SPON1: variants seen among roughly 807,000 people sequenced by gnomAD.
SPON1 encodes spondin 1.
In SPON1, 52 loss-of-function variants were observed where a neutral mutation model predicts 111.7. The ratio of observed to expected loss-of-function variants is 0.47; its 90% confidence interval spans 0.37 to 0.59. The LOEUF is 0.59. SPON1 is among the 20% of genes least tolerant of loss of function. SPON1 has a pLI of 0.00. For synonymous variants in SPON1, 410 were observed against 395.8 expected, an observed-to-expected ratio of 1.04 and a Z score of -0.43; for missense variants, 957 against 1,068.5, an observed-to-expected ratio of 0.90 and a Z score of 1.46.
intron 2 of SPON1, among the ~76,000 whole-genome samples, chr11:14,009,480 T>A (rs1287897214): frequency 6.6e-6 from 1 of 152,248 alleles, no homozygotes; most frequent in African/African-American, 2.4e-5. Context: ...TCAGCTCATA[T>A]ATAGCAAGTT....
chr11:14,097,497 C>T (rs189852808), intron 5 of SPON1, among the ~76,000 whole-genome samples: 1 of 152,220 alleles, frequency 6.6e-6, no homozygotes, highest in East Asian at 1.9e-4. Context: ...CGTTTTCTAT[C>T]AGGTTATAAT....
chr11:13,989,309 C>A (rs1029353000), intron 2 of SPON1, among the ~76,000 whole-genome samples: 1 of 152,170 alleles, frequency 6.6e-6, no homozygotes, highest in African/African-American at 2.4e-5. Flanking sequence ...TTATCCATTT[C>A]TTCTAGATTT....
At chr11:14,227,898 C>T (rs1158523630) in intron 6 of SPON1, among the ~76,000 whole-genome samples, 2 of 152,140 alleles carry the variant, frequency 1.3e-5, no homozygotes, top group African/African-American at 4.8e-5. Flanking sequence ...CAAATACAAG[C>T]TCACAAACAC....
intron 2 of SPON1, among the ~76,000 whole-genome samples, chr11:14,018,798 A>G (rs1434077579): frequency 6.6e-6 from 1 of 152,212 alleles, no homozygotes; most frequent in African/African-American, 2.4e-5. Flanking sequence ...CAACGGTACA[A>G]CAAGAGCCAG....
chr11:14,009,551 T>A (rs557611410), intron 2 of SPON1, among the ~76,000 whole-genome samples: 2 of 152,376 alleles, frequency 1.3e-5, no homozygotes, highest in East Asian at 3.9e-4. Flanking sequence ...TCGTTGCACA[T>A]ATATCTGTCA....
At chr11:13,974,177 T>C (rs1322144448) in intron 1 of SPON1, among the ~76,000 whole-genome samples, 2 of 152,206 alleles carry the variant, frequency 1.3e-5, no homozygotes, top group African/African-American at 4.8e-5. Context: ...TTGTGCAGAA[T>C]AGAAAGGGGA....
At chr11:14,034,821 T>C (rs1848582730) in intron 2 of SPON1, among the ~76,000 whole-genome samples, 1 of 152,228 alleles carries the variant, frequency 6.6e-6, no homozygotes, top group Admixed American at 6.5e-5. Context: ...GCTAGGTACC[T>C]GGCAGATAAT....
At chr11:14,209,418 C>G (rs552975083) in intron 6 of SPON1, among the ~76,000 whole-genome samples, 1 of 152,154 alleles carries the variant, frequency 6.6e-6, no homozygotes, top group Non-Finnish European at 1.5e-5. Context: ...CCTAGCCCCC[C>G]ACACCCCGAC....
intron 6 of SPON1, among the ~76,000 whole-genome samples, chr11:14,213,276 T>C (rs570350419): frequency 3.9e-5 from 6 of 152,234 alleles, no homozygotes; most frequent in African/African-American, 1.4e-4. Context: ...AGAAAACACT[T>C]TGTGTAAGAA....
rs782666358 is a variant in SPON1, at chr11:14,041,525, T to C, written c.350T>C (p.Ile117Thr). 3 of 1,613,930 alleles carry C rather than the reference T, an allele frequency of 1.9e-6. No homozygotes were observed. The South Asian group carries it at 3.3e-5, about 18-fold the overall frequency. ...EEDHAGTFQIIDEEETQFMSN... is the reference protein window; with the variant it reads ...EEDHAGTFQITDEEETQFMSN... ...TTTCCCACTGGTTTTCCGTAGATCATAGACGAAGAAGAAACTCAGTTTATG... is the reference window on the plus strand; with the variant it reads ...TTTCCCACTGGTTTTCCGTAGATCACAGACGAAGAAGAAACTCAGTTTATG... The change falls in exon 3 of 16, where the codon ATA (isoleucine) becomes ACA (threonine). Residue 117 changes from isoleucine (I) to threonine (T), a missense_variant. Ile to Thr is a moderately conservative substitution (Grantham distance 89). Around this residue, in one of 5 missense-constraint regions of SPON1, gnomAD observed 262 missense variants for 253.9 expected, o/e 1.03. Transcript: ENST00000576479.
At position 14,160,431 on chromosome 11, in the gene SPON1, TTATATATATATTTATATATATATTTA is replaced by T. The variant is rs1564918847; in HGVS notation, c.825+24904_825+24929del. Among the ~76,000 whole-genome samples, 7 of 24,554 alleles carry T rather than the reference TTATATATATATTTATATATATATTTA, an allele frequency of 2.9e-4. 1 individual carries two copies. Among genetic ancestry groups the T allele is most frequent in the Non-Finnish European group, 4.4e-4 (7 of 15,942 alleles). 16.1% of individuals were successfully genotyped at this position (24,554 alleles called of 152,430 possible). ...TATATATATATTTATATATATATAT[TTATATATATATTTATATATATATTTA>T]TATATATATATTTATATATATATTT... On this transcript the variant is annotated intron_variant, in intron 6 of 15. Coordinates refer to ENST00000576479, the MANE Select transcript of SPON1 (RefSeq NM_006108.4).
At chr11:13,990,931 A>G (rs1554911094) in intron 2 of SPON1, among the ~76,000 whole-genome samples, 1 of 152,216 alleles carries the variant, frequency 6.6e-6, no homozygotes, top group Admixed American at 6.5e-5. Context: ...GGGTTTCTGC[A>G]GAGAGATCTG....
At chr11:14,220,378 T>C (rs1848668899) in intron 6 of SPON1, among the ~76,000 whole-genome samples, 1 of 152,210 alleles carries the variant, frequency 6.6e-6, no homozygotes, top group Non-Finnish European at 1.5e-5. Flanking sequence ...TTTTCTTCCC[T>C]ATCTCTGTCT....
rs538968176 is a variant in SPON1 at position 14,238,069 on chromosome 11, C to A, written c.826-5263C>A. Among the ~76,000 whole-genome samples the A allele has an allele frequency of 2.1e-3, 319 of 152,308 alleles. 1 individual carries two copies. Among genetic ancestry groups the A allele is most frequent in the Non-Finnish European group, 3.1e-3 (210 of 68,020 alleles). ...GATTAAAACGTATATATCCACCTTGCAAATGTGTTGTAAGGATTAAATCAG... is the reference window on the plus strand; with the variant it reads ...GATTAAAACGTATATATCCACCTTGAAAATGTGTTGTAAGGATTAAATCAG... On this transcript the variant is annotated intron_variant, in intron 6 of 15. Coordinates refer to ENST00000576479, the MANE Select transcript of SPON1 (RefSeq NM_006108.4).
chr11:14,121,444 G>A (rs77086839), intron 5 of SPON1, among the ~76,000 whole-genome samples: 19 of 152,258 alleles, frequency 1.2e-4, no homozygotes, highest in South Asian at 6.2e-4. Flanking sequence ...AAATAAGCTC[G>A]GGTTCAGATT....
At chr11:14,172,278 G>A (rs1295453990) in intron 6 of SPON1, among the ~76,000 whole-genome samples, 2 of 151,792 alleles carry the variant, frequency 1.3e-5, no homozygotes, top group East Asian at 3.9e-4. Context: ...ATCTTTGTTG[G>A]TTTAAAGTCT....
At chr11:14,105,571 C>T in intron 5 of SPON1, among the ~76,000 whole-genome samples, 1 of 152,206 alleles carries the variant, frequency 6.6e-6, no homozygotes, top group East Asian at 1.9e-4. Context: ...TTGATTCATA[C>T]TTCCCATCCC....
intron 5 of SPON1, among the ~76,000 whole-genome samples, chr11:14,108,848 T>C (rs1554925150): frequency 1.3e-5 from 2 of 152,120 alleles, no homozygotes; most frequent in African/African-American, 2.4e-5. Flanking sequence ...TTTTACTTGA[T>C]TTCTCTTCCC....
At chr11:14,187,868 C>T (rs760713884) in intron 6 of SPON1, among the ~76,000 whole-genome samples, 3 of 151,766 alleles carry the variant, frequency 2.0e-5, no homozygotes, top group South Asian at 2.1e-4. Context: ...ACAACCTCCA[C>T]CTTCTTGGGT....
Sources: gnomAD v4.1 joint callset for allele counts (sites outside exome capture counted in the v4.1 genomes callset) on GRCh38, gnomAD v4.1.1 for gene constraint, gnomAD v4.1.1 regional missense constraint, MANE v1.5 for transcripts, NCBI Gene and HGNC (gene_info 2026-07-23, HGNC 2026-07-21) for gene names.